The following ELF2 variants were observed in gnomAD, a reference collection of about 807,000 sequenced individuals.
ELF2 encodes ETS-related transcription factor Elf-2.
ELF2 carries 11 observed loss-of-function variants against 54.8 expected under a neutral mutation model. The observed-to-expected ratio is 0.20, with a 90% confidence interval of 0.13 to 0.33. The LOEUF is 0.33. ELF2 is among the 10% of genes least tolerant of loss of function. The pLI, the probability that ELF2 is intolerant of heterozygous loss-of-function variation, is 1.00. For synonymous variants in ELF2, 203 were observed against 245.1 expected (o/e 0.83, Z 1.61); for missense variants, 513 against 703.0 (o/e 0.73, Z 3.06).
intron 4 of ELF2, among the ~76,000 whole-genome samples, chr4:139,121,760 T>A (rs940369082): frequency 1.3e-5 from 2 of 152,168 alleles, no homozygotes; most frequent in African/African-American, 4.8e-5. Flanking sequence ...AATCTGCCAT[T>A]GTTATCACAA....
chr4:139,146,952 T>A (rs1216300614), intron 1 of ELF2, among the ~76,000 whole-genome samples: 8 of 152,136 alleles, frequency 5.3e-5, no homozygotes, highest in African/African-American at 1.9e-4. Context: ...AAAATTCTTC[T>A]GGACATTGGC....
rs1447627296 is a variant in ELF2 at position 139,060,450 on chromosome 4, G to A, written c.1031C>T (p.Ser344Phe). The A allele has an allele frequency of 1.2e-6, 2 of 1,614,178 alleles. No individual in the cohort carries two copies. The highest frequency in any genetic ancestry group is 3.3e-5 in the Admixed American group (2 of 60,022). The change falls in exon 9 of 10, where the codon TCC becomes TTC. Residue 344 changes from serine (S) to phenylalanine (F), a missense_variant. Coordinates refer to ENST00000686138, the MANE Select transcript of ELF2 (RefSeq NM_001331036.3). The stretch of plus-strand genomic sequence containing the variant: ...CTCTGCTCTGGAGCAGTTTATAGGG[G>A]ATGAATTTTTTCCACTGCGAACAGA... ...ASSVRSGKNS[S>F]PINCSRAEKG...
chr4:139,058,673 T>C lies in ELF2; in HGVS notation c.*310A>G, dbSNP rs576078820. The stretch of plus-strand genomic sequence containing the variant: ...GAAAACTATATAACCTCTTACAGAA[T>C]GTTAGTGTTCCAAGTCTTAGTGTAA... On this transcript the variant is annotated 3_prime_UTR_variant, in exon 10 of 10. Coordinates refer to ENST00000686138, the MANE Select transcript of ELF2 (RefSeq NM_001331036.3). The C allele has an allele frequency of 3.8e-6, 1 of 264,450 alleles. No individual in the cohort carries two copies. The highest frequency in any genetic ancestry group is 7.2e-5 in the South Asian group (1 of 13,830). 16.4% of individuals were successfully genotyped at this position (264,450 alleles called of 1,614,324 possible). A position where few individuals can be genotyped will look rare whatever the true frequency, so the allele number is the denominator to read the frequency against.
intron 4 of ELF2, among the ~76,000 whole-genome samples, chr4:139,122,090 C>T (rs541665829): frequency 3.0e-4 from 46 of 152,272 alleles, no homozygotes; most frequent in African/African-American, 1.1e-3. Flanking sequence ...AGGGTAAAAA[C>T]ACTCCAATGA....
In ELF2 at chr4:139,062,544, T is replaced by C. The variant is rs114755292; in HGVS notation, c.614-487A>G. On this transcript the variant is annotated intron_variant, in intron 7 of 9. Coordinates refer to ENST00000686138, the MANE Select transcript of ELF2 (RefSeq NM_001331036.3). ...TGATGCTAAAATACAGGTTCTGGCT[T>C]TTATACTATTACATATCACACTATC... Among the ~76,000 whole-genome samples the C allele has an allele frequency of 3.7e-3, 562 of 152,364 alleles. 6 individuals are homozygous for C. The highest frequency in any genetic ancestry group is 0.014 in the Middle Eastern group (4 of 294).
At chr4:139,113,841 A>G (rs1011521060) in intron 4 of ELF2, among the ~76,000 whole-genome samples, 1 of 135,048 alleles carries the variant, frequency 7.4e-6, no homozygotes, top group Admixed American at 8.2e-5. Flanking sequence ...GACAACAGAG[A>G]AAGACCATGT....
upstream of ELF2, among the ~76,000 whole-genome samples, chr4:139,177,889 C>G (rs773384637): frequency 1.5e-4 from 23 of 152,286 alleles, no homozygotes; most frequent in Admixed American, 1.4e-3. Flanking sequence ...CCAGTTCCCA[C>G]TCCTCAGCCT....
chr4:139,157,731 A>G (rs990613601), intron 1 of ELF2, among the ~76,000 whole-genome samples: 1 of 152,098 alleles, frequency 6.6e-6, no homozygotes, highest in African/African-American at 2.4e-5. Flanking sequence ...TGCTTCCTTT[A>G]TCAGGCACGT....
intron 7 of ELF2, among the ~76,000 whole-genome samples, chr4:139,065,628 G>A (rs1022281613): frequency 1.3e-5 from 2 of 152,156 alleles, no homozygotes; most frequent in African/African-American, 4.8e-5. Context: ...TTGAATACAG[G>A]TTTGACTGTA....
Position 139,059,489 on chromosome 4 carries a change from T to C in ELF2, c.1276A>G (p.Thr426Ala), listed in dbSNP as rs1319695815. 3 of 1,613,864 alleles carry C rather than the reference T, an allele frequency of 1.9e-6. No homozygotes were observed. Among genetic ancestry groups the C allele is most frequent in the African/African-American group, 1.3e-5 (1 of 74,914 alleles). ...ACTACCTTTGGAGAGGTCGCTGTTG[T>C]TGGACTAGTGCTGGTTATTAATGGT... Reference protein sequence around the residue: ...GAPLITSTSPTTATSPKVVIQ... With the variant: ...GAPLITSTSPATATSPKVVIQ... The change falls in exon 10 of 10, where the codon ACA (threonine) becomes GCA (alanine). Residue 426 changes from threonine to alanine, a missense_variant. Thr to Ala is a moderately conservative substitution (Grantham distance 58, BLOSUM62 0). Coordinates refer to ENST00000686138, the MANE Select transcript of ELF2 (RefSeq NM_001331036.3).
chr4:139,058,977 G>A lies in ELF2; in HGVS notation c.*6C>T, dbSNP rs1302744593. The A allele has an allele frequency of 2.5e-6, 4 of 1,596,348 alleles. No individual in the cohort carries two copies. In the African/African-American group the frequency reaches 4.0e-5, roughly 16 times the overall value. On this transcript the variant is annotated 3_prime_UTR_variant, in exon 10 of 10. Transcript: ENST00000686138. ...ACAGCCTGAAGTCCATGGTGGAGCT[G>A]CTATTTTATTTCTCACATGTCACTA...
intron 1 of ELF2, among the ~76,000 whole-genome samples, chr4:139,151,436 A>G (rs908345947): frequency 2.0e-5 from 3 of 152,216 alleles, no homozygotes; most frequent in African/African-American, 7.2e-5. Context: ...CCCACCCCCA[A>G]AAAGGTGGGG....
chr4:139,143,114 C>G (rs1169626732), intron 1 of ELF2, among the ~76,000 whole-genome samples: 1 of 152,090 alleles, frequency 6.6e-6, no homozygotes, highest in Non-Finnish European at 1.5e-5. Context: ...TTACAACCTC[C>G]AAGGGAAGGC....
intron 1 of ELF2, among the ~76,000 whole-genome samples, chr4:139,172,140 T>C (rs1195942592): frequency 1.3e-5 from 2 of 152,116 alleles, no homozygotes; most frequent in Non-Finnish European, 2.9e-5. Flanking sequence ...AACAAAACCA[T>C]ATGTCCACAT....
chr4:139,082,039 T>C (rs1560784975), intron 4 of ELF2, among the ~76,000 whole-genome samples: 1 of 152,196 alleles, frequency 6.6e-6, no homozygotes, highest in Non-Finnish European at 1.5e-5. Flanking sequence ...GACAGTCTTT[T>C]ATATACACAC....
chr4:139,120,023 C>G (rs1340486868), intron 4 of ELF2, among the ~76,000 whole-genome samples: 1 of 152,174 alleles, frequency 6.6e-6, no homozygotes, highest in Non-Finnish European at 1.5e-5. Context: ...ATCCGCCTGC[C>G]TTGGCCTCCC....
Position 139,057,316 on chromosome 4 carries a change from A to C in ELF2, c.*1667T>G, listed in dbSNP as rs1296164354. Reference sequence around the variant, plus strand: ...TTTATGGAAAAGTTTAAAAGATTACAAAGGGAACTGTTATAAACAATTTCT... The same window carrying C: ...TTTATGGAAAAGTTTAAAAGATTACCAAGGGAACTGTTATAAACAATTTCT... On this transcript the variant is annotated 3_prime_UTR_variant, in exon 10 of 10. Transcript: ENST00000686138. 6.6e-6 allele frequency: 1 copy of C among 152,252 alleles called. No homozygotes were observed. The highest frequency in any genetic ancestry group is 1.5e-5 in the Non-Finnish European group (1 of 68,042). 9.4% of individuals were successfully genotyped at this position (152,252 alleles called of 1,614,324 possible). A position where few individuals can be genotyped will look rare whatever the true frequency, so the allele number is the denominator to read the frequency against.
At chr4:139,068,133 G>A (rs1728986318) in intron 6 of ELF2, among the ~76,000 whole-genome samples, 1 of 151,890 alleles carries the variant, frequency 6.6e-6, no homozygotes, top group Non-Finnish European at 1.5e-5. Flanking sequence ...CAATTCTCCT[G>A]TCTCAGCCTC....
intron 3 of ELF2, among the ~76,000 whole-genome samples, chr4:139,129,739 A>G (rs1187500501): frequency 6.6e-6 from 1 of 152,240 alleles, no homozygotes; most frequent in Middle Eastern, 3.2e-3. Context: ...TTAACAATAG[A>G]AATAGTCTTC....
Sources: gnomAD v4.1 joint callset for allele counts (sites outside exome capture counted in the v4.1 genomes callset) on GRCh38, gnomAD v4.1.1 for gene constraint, MANE v1.5 for transcripts, NCBI Gene and HGNC (gene_info 2026-07-23, HGNC 2026-07-21) for gene names.